The following MED12L variants were observed in gnomAD, a reference collection of about 807,000 sequenced individuals.
MED12L encodes mediator of RNA polymerase II transcription subunit 12-like protein.
A neutral mutation model predicts 281.3 loss-of-function variants in MED12L; 60 were observed. That is an observed-to-expected ratio of 0.21 (90% CI 0.17 to 0.26). MED12L has a LOEUF of 0.26. Ranked by LOEUF, MED12L falls within the 10% of genes least tolerant of loss-of-function variation. The probability of loss-of-function intolerance (pLI) is 1.00; values close to 1 mark genes in which losing one functional copy is unlikely to be tolerated. For missense variants in MED12L, 2,146 were observed against 2,680.9 expected, an observed-to-expected ratio of 0.80 and a Z score of 4.41; for synonymous variants, 974 against 987.2, an observed-to-expected ratio of 0.99 and a Z score of 0.25.
intron 23 of MED12L, among the ~76,000 whole-genome samples, chr3:151,366,228 C>G (rs1755251532): frequency 6.6e-6 from 1 of 152,110 alleles, no homozygotes; most frequent in African/African-American, 2.4e-5. Context: ...CCAAGAATTT[C>G]TTTGTTTCCT....
intron 2 of MED12L, among the ~76,000 whole-genome samples, chr3:151,091,298 G>C (rs567329314): frequency 6.6e-6 from 1 of 152,088 alleles, no homozygotes; most frequent in Non-Finnish European, 1.5e-5. Context: ...GTCTGCATGC[G>C]GATATCCCAG....
intron 16 of MED12L, among the ~76,000 whole-genome samples, chr3:151,257,094 A>G (rs1305643585): frequency 6.6e-6 from 1 of 152,178 alleles, no homozygotes; most frequent in African/African-American, 2.4e-5. Context: ...TTTTAAAAAG[A>G]AATGCTTATG....
chr3:151,426,741 T>C (rs982865627), intron 43 of MED12L, among the ~76,000 whole-genome samples: 2 of 152,234 alleles, frequency 1.3e-5, no homozygotes, highest in African/African-American at 4.8e-5. Context: ...GATAAACTTA[T>C]GTTCCTGGAA....
intron 16 of MED12L, among the ~76,000 whole-genome samples, chr3:151,318,421 C>A (rs1346147313): frequency 2.0e-5 from 3 of 150,970 alleles, no homozygotes; most frequent in Non-Finnish European, 4.4e-5. Context: ...GCTATGCAGA[C>A]TTTAGTTTGG....
chr3:151,416,505 A>C, intron 43 of MED12L, 83 bp downstream of exon 43: 5 of 1,461,224 alleles, frequency 3.4e-6, no homozygotes, highest in Non-Finnish European at 4.7e-6. Flanking sequence ...AAGATTGTTA[A>C]GAATCGACAA....
intron 43 of MED12L, among the ~76,000 whole-genome samples, chr3:151,430,071 C>T (rs953625840): frequency 3.3e-5 from 5 of 152,140 alleles, no homozygotes; most frequent in Non-Finnish European, 7.3e-5. Flanking sequence ...AAATAAATGC[C>T]AACTAATAAC....
chr3:151,403,562 G>T (rs1715948500), intron 39 of MED12L, among the ~76,000 whole-genome samples: 1 of 151,994 alleles, frequency 6.6e-6, no homozygotes, highest in Non-Finnish European at 1.5e-5. Context: ...TTGAGCATAG[G>T]TCTTGTGCAT....
rs1553823948 is a variant in MED12L at position 151,432,893 on chromosome 3, C to CTT, written c.*95_*96dup. The CTT allele has an allele frequency of 3.2e-5, 30 of 946,700 alleles. No individual in the cohort carries two copies. In the South Asian group the frequency reaches 5.4e-4, roughly 17 times the overall value. The allele number at this position is 946,700 out of a possible 1,614,324, so 58.6% of individuals were successfully genotyped here. On this transcript the variant is annotated 3_prime_UTR_variant, in exon 45 of 45. Transcript: ENST00000687756. The stretch of plus-strand genomic sequence containing the variant: ...TGCATTAGTCATCTTAAAAATGTCC[C>CTT]TTTTTTTCATTTCTTTGACATTTTA...
At chr3:151,364,926 C>A in intron 21 of MED12L, 53 bp from the exon 22 acceptor site, 1 of 1,249,638 alleles carries the variant, frequency 8.0e-7, no homozygotes, top group Non-Finnish European at 1.2e-6. Flanking sequence ...AAATAGTTTT[C>A]TAGTTATTCT....
At chr3:151,379,847 T>G (rs1711925066) in intron 31 of MED12L, among the ~76,000 whole-genome samples, 1 of 152,242 alleles carries the variant, frequency 6.6e-6, no homozygotes, top group Admixed American at 6.5e-5. Flanking sequence ...TCTTCTACCC[T>G]CACTGCCCGG....
Position 151,214,105 on chromosome 3 carries a change from C to G in MED12L, c.2250+20439C>G, listed in dbSNP as rs995231498. 3 of 1,613,970 alleles carry G rather than the reference C, an allele frequency of 1.9e-6. No individual in the cohort carries two copies. Among genetic ancestry groups the G allele is most frequent in the Admixed American group, 3.3e-5 (2 of 60,006 alleles). On this transcript the variant is annotated intron_variant, in intron 16 of 44. Coordinates refer to ENST00000687756, the MANE Select transcript of MED12L (RefSeq NM_001393769.1). ...AAGGATCTTGAAAGGAAAAGTCAGG[C>G]TCATCACAAAGTCAGCAATAACAAT...
intron 16 of MED12L, among the ~76,000 whole-genome samples, chr3:151,339,223 C>G (rs1354811021): frequency 1.3e-5 from 2 of 152,112 alleles, no homozygotes; most frequent in African/African-American, 4.8e-5. Context: ...AGCTTCCCCT[C>G]CATGCCTTTT....
intron 2 of MED12L, among the ~76,000 whole-genome samples, chr3:151,111,785 A>G (rs1467119657): frequency 1.3e-5 from 2 of 152,196 alleles, no homozygotes; most frequent in Admixed American, 6.5e-5. Flanking sequence ...GATAAAAGCT[A>G]TCCCTCTGGT....
At chr3:151,096,657 G>GT (rs1553792058) in intron 2 of MED12L, among the ~76,000 whole-genome samples, 1 of 148,284 alleles carries the variant, frequency 6.7e-6, no homozygotes, top group Non-Finnish European at 1.5e-5. Context: ...CTGCTATTTT[G>GT]GGGGGGGAAG....
chr3:151,376,677 T>C, intron 28 of MED12L, 123 bp from the exon 29 acceptor site: 1 of 786,054 alleles, frequency 1.3e-6, no homozygotes, highest in Non-Finnish European at 2.1e-6. Flanking sequence ...TTTTGACTCA[T>C]ATAAATTATT....
intron 2 of MED12L, among the ~76,000 whole-genome samples, chr3:151,091,239 C>T (rs1720004573): frequency 6.6e-6 from 1 of 152,080 alleles, no homozygotes; most frequent in Admixed American, 6.5e-5. Context: ...GCAGGGGCTG[C>T]CCGAAGATAT....
At chr3:151,367,790 C>T (rs3732764) in intron 24 of MED12L, 24 bp downstream of exon 24, 27 of 1,584,314 alleles carry the variant, frequency 1.7e-5, no homozygotes, top group Admixed American at 5.3e-5. Context: ...CATGAACATC[C>T]GTTGCTCTTT....
chr3:151,252,369 G>A (rs912503951), intron 16 of MED12L, among the ~76,000 whole-genome samples: 3 of 152,048 alleles, frequency 2.0e-5, no homozygotes, highest in African/African-American at 7.2e-5. Context: ...TCATCGCTAA[G>A]ATCTGATTTT....
chr3:151,411,129 C>A, intron 40 of MED12L, 149 bp from the exon 41 acceptor site: 2 of 644,802 alleles, frequency 3.1e-6, no homozygotes, highest in South Asian at 3.8e-5. Context: ...CCAGGGTAGT[C>A]CTCCTCAAAT....
Sources: allele counts gnomAD v4.1 joint callset (sites outside exome capture counted in the v4.1 genomes callset), GRCh38; gene constraint gnomAD v4.1.1; transcripts MANE v1.5; gene names NCBI Gene and HGNC (gene_info 2026-07-23, HGNC 2026-07-21).